Variants in COL4A3 observed in about 807,000 individuals in gnomAD.
COL4A3 encodes the protein collagen type IV alpha 3 chain.
Under a neutral mutation model 217.4 loss-of-function variants are expected in COL4A3, and 135 were observed. The ratio of observed to expected loss-of-function variants is 0.62; its 90% CI spans 0.54 to 0.72. The LOEUF (loss-of-function observed/expected upper bound fraction) is 0.72, where lower values mean the gene tolerates loss of function less well. Ranked by LOEUF, COL4A3 falls within the 30% of genes least tolerant of loss-of-function variation. The pLI, the probability that COL4A3 is intolerant of heterozygous loss-of-function variation, is 0.00. For synonymous variants in COL4A3, 690 were observed against 736.3 expected (o/e 0.94, Z 1.02); for missense variants, 1,868 against 2,119.9 (o/e 0.88, Z 2.33).
At chr2:227,166,969 G>A (rs549534556) in intron 1 of COL4A3, among the ~76,000 whole-genome samples, 3 of 152,294 alleles carry the variant, frequency 2.0e-5, no homozygotes, top group Admixed American at 2.0e-4. Flanking sequence ...GGGTAAGAGA[G>A]ACTCTTCAGA....
Position 227,295,260 on chromosome 2 carries a change from C to A in COL4A3, c.3518-9C>A, listed in dbSNP as rs762569975. ...CCAATTATTAACATGCCAAGATTAT[C>A]TCTTTCAGGTTTATTGAGGGCCCCT... On this transcript the variant is annotated splice_polypyrimidine_tract_variant and intron_variant, in intron 40 of 51. Transcript: ENST00000396578. 1.2e-6 allele frequency: 2 copies of A among 1,613,898 alleles called. No homozygotes were observed. The highest frequency in any genetic ancestry group is 4.5e-5 in the East Asian group (2 of 44,876).
At chr2:227,289,965 T>C in intron 35 of COL4A3, 34 bp from the exon 36 acceptor site, 1 of 1,588,546 alleles carries the variant, frequency 6.3e-7, no homozygotes, top group Non-Finnish European at 8.6e-7. Flanking sequence ...GTCCAGGAAC[T>C]GTGCAGGGCA....
intron 11 of COL4A3, among the ~76,000 whole-genome samples, chr2:227,252,066 C>CT (rs2069777636): frequency 1.3e-5 from 1 of 77,104 alleles, no homozygotes; most frequent in African/African-American, 5.9e-5. Flanking sequence ...GAGGCACCAT[C>CT]TCAAAAAAAA....
At position 227,253,373 on chromosome 2, in the gene COL4A3, T is replaced by C; in HGVS notation, c.687+36T>C. The C allele has an allele frequency of 6.2e-7, 1 of 1,602,902 alleles. No individual in the cohort carries two copies. The highest frequency in any genetic ancestry group is 8.5e-7 in the Non-Finnish European group (1 of 1,169,806). ...TACTATGTTTTATTAGCAGGCGAGA[T>C]ATTTTATGTCCCAGAGCATATCAGC... On this transcript the variant is annotated intron_variant, in intron 12 of 51. Coordinates refer to ENST00000396578, the MANE Select transcript of COL4A3 (RefSeq NM_000091.5). This position sits in a 1 kb window ranked among gnomAD's most constrained non-coding sequence, Gnocchi z 4.4.
At position 227,264,574 on chromosome 2, in the gene COL4A3, G is replaced by A. The variant is rs182302688; in HGVS notation, c.1315+630G>A. 2.4e-4 allele frequency: 38 copies of A among 156,254 alleles called. No homozygotes were observed. The East Asian group carries it at 3.8e-3, about 16-fold the overall frequency. 9.7% of individuals were successfully genotyped at this position (156,254 alleles called of 1,614,324 possible). A position where few individuals can be genotyped will look rare whatever the true frequency, so the allele number is the denominator to read the frequency against. On this transcript the variant is annotated intron_variant, in intron 21 of 51. Coordinates refer to ENST00000396578, the MANE Select transcript of COL4A3 (RefSeq NM_000091.5). The stretch of plus-strand genomic sequence containing the variant: ...TCCTGACACAGGGAGCCTTTCCTTC[G>A]CATCCCTCTAGAGAGCCACTTAGCA...
intron 1 of COL4A3, among the ~76,000 whole-genome samples, chr2:227,204,557 TG>T (rs2067028158): frequency 6.6e-6 from 1 of 152,198 alleles, no homozygotes; most frequent in Non-Finnish European, 1.5e-5. Flanking sequence ...ACAGATTGTC[TG>T]GGATTCTAAA....
intron 1 of COL4A3, among the ~76,000 whole-genome samples, chr2:227,234,892 A>G (rs2068606594): frequency 6.6e-6 from 1 of 152,160 alleles, no homozygotes; most frequent in African/African-American, 2.4e-5. Context: ...TCTTCCCTCT[A>G]GCCCTAGAGG....
At chr2:227,206,228 C>G (rs2067095849) in intron 1 of COL4A3, among the ~76,000 whole-genome samples, 1 of 152,072 alleles carries the variant, frequency 6.6e-6, no homozygotes, top group Non-Finnish European at 1.5e-5. Flanking sequence ...CACCCGCCAC[C>G]ACACCCGGCT....
Position 227,270,957 on chromosome 2 carries a change from G to T in COL4A3, c.1758+5G>T. On this transcript the variant is annotated splice_donor_5th_base_variant and intron_variant, in intron 25 of 51. Transcript: ENST00000396578. The stretch of plus-strand genomic sequence containing the variant: ...CCAGGACCTAAAGGCGAACTGGTTG[G>T]TATTTAGCAACTTTACCCTCCCTAT... 1.2e-6 allele frequency: 2 copies of T among 1,613,776 alleles called. No homozygotes were observed. The highest frequency in any genetic ancestry group is 1.7e-6 in the Non-Finnish European group (2 of 1,179,728).
intron 26 of COL4A3, among the ~76,000 whole-genome samples, chr2:227,275,907 T>C (rs2071528693): frequency 6.7e-6 from 1 of 149,948 alleles, no homozygotes; most frequent in African/African-American, 2.5e-5. Context: ...CTCTTTTCAA[T>C]AGACCAGCAT....
intron 1 of COL4A3, among the ~76,000 whole-genome samples, chr2:227,214,609 A>AGG (rs2067457623): frequency 1.3e-5 from 2 of 152,372 alleles, no homozygotes; most frequent in African/African-American, 4.8e-5. Context: ...CTATTAAAAC[A>AGG]CTTCACAGGT....
chr2:227,230,968 T>G lies in COL4A3; in HGVS notation c.88-7000T>G, dbSNP rs1013496758. On this transcript the variant is annotated intron_variant, in intron 1 of 51. Transcript: ENST00000396578. Reference sequence around the variant, plus strand: ...AGCAACATTGTCATGTGCTCTGAAGTCCTAGTCAGCTTAATTATGTAGCTG... The same window carrying G: ...AGCAACATTGTCATGTGCTCTGAAGGCCTAGTCAGCTTAATTATGTAGCTG... Among the ~76,000 whole-genome samples, 14 of 152,318 alleles carry G rather than the reference T, an allele frequency of 9.2e-5. No individual in the cohort carries two copies. In the South Asian group the frequency reaches 1.2e-3, roughly 14 times the overall value.
chr2:227,279,822 T>C lies in COL4A3; in HGVS notation c.2155T>C (p.Ser719Pro), dbSNP rs751113129. The C allele has an allele frequency of 3.1e-6, 5 of 1,610,266 alleles. No individual in the cohort carries two copies. In the East Asian group the frequency reaches 1.1e-4, roughly 36 times the overall value. The change falls in exon 29 of 52, where the codon TCA (serine) becomes CCA (proline). Residue 719 changes from serine to proline, a missense_variant. This residue lies in a region of COL4A3 where 1,503 missense variants were observed against 1,786.1 expected (regional missense o/e 0.84). Coordinates refer to ENST00000396578, the MANE Select transcript of COL4A3 (RefSeq NM_000091.5). ...CCAAGGTTTTCCAGGTACAAAAGGA[T>C]CACTGGGTTGTCCTGGAAAAATGGG... ...GDQGFPGTKG[S>P]LGCPGKMGEP...
chr2:227,286,817 C>A (rs1323204424), intron 34 of COL4A3, among the ~76,000 whole-genome samples: 1 of 152,248 alleles, frequency 6.6e-6, no homozygotes, highest in African/African-American at 2.4e-5. Context: ...AGTGAAACTT[C>A]TTGGACTGAC....
chr2:227,186,245 G>A (rs775067940), intron 1 of COL4A3, among the ~76,000 whole-genome samples: 86 of 152,150 alleles, frequency 5.7e-4, no homozygotes, highest in Non-Finnish European at 9.8e-4. Flanking sequence ...AAGATAACGC[G>A]CATTACATAA....
intron 1 of COL4A3, among the ~76,000 whole-genome samples, chr2:227,180,542 C>T (rs1290880386): frequency 6.6e-6 from 1 of 152,132 alleles, no homozygotes; most frequent in Admixed American, 6.6e-5. Flanking sequence ...ACCCTGGGAT[C>T]TAAAAGAGGC....
intron 8 of COL4A3, 148 bp downstream of exon 8, chr2:227,247,732 A>G: frequency 2.3e-6 from 2 of 874,450 alleles, no homozygotes; most frequent in South Asian, 2.8e-5. Flanking sequence ...TCGGGACATG[A>G]TATTTATTCC....
rs540385307 is a variant in COL4A3 at position 227,197,917 on chromosome 2, C to T, written c.87+33104C>T. The stretch of plus-strand genomic sequence containing the variant: ...GTCTCAAGGTTGGTGAGTGGTAGAA[C>T]TGGGAAGTCAGCCTGGCAGTCTCTC... On this transcript the variant is annotated intron_variant, in intron 1 of 51. Coordinates refer to ENST00000396578, the MANE Select transcript of COL4A3 (RefSeq NM_000091.5). Among the ~76,000 whole-genome samples the T allele has an allele frequency of 7.2e-4, 109 of 152,296 alleles. 2 individuals are homozygous for T. The South Asian group carries it at 0.021, about 30-fold the overall frequency.
At chr2:227,277,378 G>C (rs2071640956) in intron 27 of COL4A3, 71 bp from the exon 28 acceptor site, 1 of 916,796 alleles carries the variant, frequency 1.1e-6, no homozygotes, top group East Asian at 2.5e-5. Flanking sequence ...AGAGAACTTA[G>C]ACATTTTCTT....
Sources: allele counts gnomAD v4.1 joint callset (sites outside exome capture counted in the v4.1 genomes callset), GRCh38; gene constraint gnomAD v4.1.1; regional missense constraint gnomAD v4.1.1; non-coding constraint Gnocchi (gnomAD v3.1); transcripts MANE v1.5; gene names NCBI Gene and HGNC (gene_info 2026-07-23, HGNC 2026-07-21).